The following GSG1L variants were observed in gnomAD, a reference collection of about 807,000 sequenced individuals.
GSG1L encodes germ cell-specific gene 1-like protein.
A neutral mutation model predicts 42.1 loss-of-function variants in GSG1L; 24 were observed. That is an observed-to-expected ratio of 0.57 (90% CI 0.41 to 0.80). The LOEUF is 0.80. Among genes scored for constraint, GSG1L ranks in the 30% least tolerant of loss-of-function variants. The pLI is 0.00. For synonymous variants in GSG1L, 215 were observed against 203.5 expected (o/e 1.06, Z -0.48); for missense variants, 445 against 472.2 (o/e 0.94, Z 0.53).
chr16:27,929,851 C>G lies in GSG1L; in HGVS notation c.397+33305G>C, dbSNP rs148106330. ...GCAAACCAGGAATGGGAGGGAAGAA[C>G]AGCTCTCTGCCCTCCTCCATGGAAC... On this transcript the variant is annotated intron_variant, in intron 2 of 6. Transcript: ENST00000447459. 1.4e-3 allele frequency among the ~76,000 whole-genome samples: 216 copies of G among 152,240 alleles called. 3 individuals carry two copies. In the South Asian group the frequency reaches 0.023, roughly 16 times the overall value.
At chr16:27,939,366 G>A (rs1269022370) in intron 2 of GSG1L, among the ~76,000 whole-genome samples, 2 of 152,112 alleles carry the variant, frequency 1.3e-5, no homozygotes, top group Non-Finnish European at 2.9e-5. Context: ...GGACTCAAGT[G>A]ATCCTCCTGC....
chr16:27,991,015 C>T (rs987289357), intron 1 of GSG1L, among the ~76,000 whole-genome samples: 14 of 152,180 alleles, frequency 9.2e-5, no homozygotes, highest in Non-Finnish European at 1.3e-4. Context: ...CTTGCTCCAC[C>T]TTATGCAAAT....
intron 2 of GSG1L, among the ~76,000 whole-genome samples, chr16:27,926,926 A>C (rs2084600315): frequency 6.6e-6 from 1 of 152,154 alleles, no homozygotes; most frequent in Admixed American, 6.5e-5. Context: ...CCCAATTTTC[A>C]GGTAAGGAAA....
rs1326570337 is a variant in GSG1L, at chr16:27,809,846, C to G, written c.831-2292G>C. 3.3e-5 allele frequency among the ~76,000 whole-genome samples: 5 copies of G among 152,174 alleles called. No homozygotes were observed. In the South Asian group the frequency reaches 8.3e-4, roughly 25 times the overall value. The stretch of plus-strand genomic sequence containing the variant: ...TTCTCTCATGCAAGGAAGGCTCAAT[C>G]CTTTCCAAAACAAATGCCCTATCTC... On this transcript the variant is annotated intron_variant, in intron 5 of 6. Transcript: ENST00000447459.
chr16:27,796,673 G>A (rs1315298852), intron 6 of GSG1L, among the ~76,000 whole-genome samples: 1 of 152,190 alleles, frequency 6.6e-6, no homozygotes, highest in Non-Finnish European at 1.5e-5. Flanking sequence ...TCTACCTCAG[G>A]CGGGCTGTTT....
At chr16:28,011,279 C>A (rs1320611149) in intron 1 of GSG1L, among the ~76,000 whole-genome samples, 1 of 152,214 alleles carries the variant, frequency 6.6e-6, no homozygotes, top group Non-Finnish European at 1.5e-5. Context: ...CCGCCACTGC[C>A]CGAGAGAGCC....
intron 2 of GSG1L, among the ~76,000 whole-genome samples, chr16:27,937,610 C>T (rs772161360): frequency 6.6e-6 from 1 of 152,226 alleles, no homozygotes; most frequent in African/African-American, 2.4e-5. Flanking sequence ...TCTTTCACCT[C>T]TAGGTCACTC....
intron 2 of GSG1L, among the ~76,000 whole-genome samples, chr16:27,946,549 A>AAAAGAAAG (rs201856072): frequency 0.015 from 759 of 51,892 alleles, 48 homozygotes; most frequent in Non-Finnish European, 0.021. Flanking sequence ...TGTCTCAAAA[A>AAAAGAAAG]AAAGAAAGAA....
chr16:28,010,070 G>C (rs974655481), intron 1 of GSG1L, among the ~76,000 whole-genome samples: 5 of 152,170 alleles, frequency 3.3e-5, no homozygotes, highest in African/African-American at 1.2e-4. Flanking sequence ...AGGGGAGAGG[G>C]AAGCGGCTTT....
intron 6 of GSG1L, among the ~76,000 whole-genome samples, chr16:27,797,474 G>C (rs1302298330): frequency 6.9e-6 from 1 of 144,650 alleles, no homozygotes; most frequent in African/African-American, 2.6e-5. Flanking sequence ...AGTGAGCCGA[G>C]ATTGCACCAC....
intron 6 of GSG1L, among the ~76,000 whole-genome samples, chr16:27,794,068 G>A (rs565607808): frequency 1.6e-4 from 25 of 152,288 alleles, no homozygotes; most frequent in East Asian, 5.8e-4. Flanking sequence ...AAGATGGAGC[G>A]CAGTGGCGCC....
intron 3 of GSG1L, among the ~76,000 whole-genome samples, chr16:27,879,512 G>A (rs2083926269): frequency 6.6e-6 from 1 of 152,314 alleles, no homozygotes; most frequent in South Asian, 2.1e-4. Flanking sequence ...TTAGTCAGGA[G>A]GCTGGGGTGG....
intron 1 of GSG1L, among the ~76,000 whole-genome samples, chr16:28,002,590 C>T (rs1028603612): frequency 6.6e-6 from 1 of 151,514 alleles, no homozygotes; most frequent in African/African-American, 2.4e-5. Context: ...TGTACCACTG[C>T]ACTCTAGCCT....
At chr16:27,794,782 A>G (rs181903004) in intron 6 of GSG1L, among the ~76,000 whole-genome samples, 1 of 152,302 alleles carries the variant, frequency 6.6e-6, no homozygotes, top group African/African-American at 2.4e-5. Context: ...GGCAGATCCC[A>G]GCCTGTGTCT....
chr16:27,816,588 T>C (rs1393415781), intron 5 of GSG1L, among the ~76,000 whole-genome samples: 1 of 152,242 alleles, frequency 6.6e-6, no homozygotes, highest in East Asian at 1.9e-4. Context: ...GTAGCCTGGC[T>C]GTCCAATACA....
Position 27,865,562 on chromosome 16 carries a change from TATATATATATACAC to T in GSG1L, c.550+18910_550+18923del, listed in dbSNP as rs1191967429. ...ATATATATATATATATATATATATA[TATATATATATACAC>T]ACACACATACATACATACACACACA... On this transcript the variant is annotated intron_variant, in intron 3 of 6. Transcript: ENST00000447459. Among the ~76,000 whole-genome samples the T allele has an allele frequency of 2.2e-3, 57 of 25,956 alleles. 2 individuals are homozygous for T. In the East Asian group the frequency reaches 0.025, roughly 12 times the overall value. The allele number at this position is 25,956 out of a possible 152,430, so 17.0% of individuals were successfully genotyped here.
At chr16:27,910,344 C>G (rs1039345823) in intron 2 of GSG1L, among the ~76,000 whole-genome samples, 3 of 152,082 alleles carry the variant, frequency 2.0e-5, no homozygotes, top group Non-Finnish European at 4.4e-5. Flanking sequence ...AATACTATAA[C>G]TAATAAGAAA....
chr16:27,946,656 A>AAAGAAAGAAAGAAAGAAAG (rs879647684), intron 2 of GSG1L, among the ~76,000 whole-genome samples: 4 of 27,402 alleles, frequency 1.5e-4, no homozygotes, highest in East Asian at 1.2e-3. Flanking sequence ...AGAAAGAAAG[A>AAAGAAAGAAAGAAAGAAAG]AAAGAAAGAA....
At chr16:27,970,528 C>T (rs575968761) in intron 1 of GSG1L, among the ~76,000 whole-genome samples, 13 of 151,640 alleles carry the variant, frequency 8.6e-5, no homozygotes, top group African/African-American at 1.2e-4. Flanking sequence ...GCCAAGACCA[C>T]GCCATTGCAC....
Sources: gnomAD v4.1 joint callset for allele counts (sites outside exome capture counted in the v4.1 genomes callset) on GRCh38, gnomAD v4.1.1 for gene constraint, MANE v1.5 for transcripts, NCBI Gene and HGNC (gene_info 2026-07-23, HGNC 2026-07-21) for gene names.